Variants in RBFOX1 observed in about 807,000 individuals in gnomAD.
RBFOX1 encodes the protein RNA binding protein fox-1 homolog 1.
A neutral mutation model predicts 57.7 loss-of-function variants in RBFOX1; 8 were observed. The ratio of observed to expected loss-of-function variants is 0.14; its 90% CI spans 0.08 to 0.25. The LOEUF (loss-of-function observed/expected upper bound fraction) is 0.25, where lower values mean the gene tolerates loss of function less well. RBFOX1 is among the 10% of genes least tolerant of loss of function. The probability of loss-of-function intolerance (pLI) is 1.00; values close to 1 mark genes in which losing one functional copy is unlikely to be tolerated. For missense variants in RBFOX1, 611 were observed against 548.5 expected (o/e 1.11, Z -1.14); for synonymous variants, 326 against 222.4 (o/e 1.47, Z -4.15).
chr16:7,565,068 G>A (rs1312966383), intron 5 of RBFOX1, among the ~76,000 whole-genome samples: 1 of 152,194 alleles, frequency 6.6e-6, no homozygotes, highest in East Asian at 1.9e-4. Context: ...GCAGGAAGCT[G>A]GGAGGATCTG....
intron 3 of RBFOX1, among the ~76,000 whole-genome samples, chr16:5,822,680 G>T (rs561318960): frequency 2.3e-4 from 35 of 152,166 alleles, no homozygotes; most frequent in Non-Finnish European, 4.3e-4. Context: ...TGTGTCTGTG[G>T]AATTATGTCT....
At chr16:7,464,842 G>C (rs9938528) in intron 4 of RBFOX1, among the ~76,000 whole-genome samples, 1 of 151,038 alleles carries the variant, frequency 6.6e-6, no homozygotes, top group Non-Finnish European at 1.5e-5. Flanking sequence ...GACTGCAGGC[G>C]CCCGCCACCA....
chr16:7,071,551 G>C (rs901385141), intron 4 of RBFOX1, among the ~76,000 whole-genome samples: 5 of 150,928 alleles, frequency 3.3e-5, no homozygotes, highest in African/African-American at 1.2e-4. Context: ...ATTGTTGTTG[G>C]GGTCACAACT....
chr16:6,613,551 C>G (rs1169037299), intron 2 of RBFOX1, among the ~76,000 whole-genome samples: 1 of 152,084 alleles, frequency 6.6e-6, no homozygotes, highest in Admixed American at 6.6e-5. Flanking sequence ...TTACAAAATG[C>G]TATGGAACGC....
chr16:5,516,038 C>A (rs1309769406), intron 2 of RBFOX1, among the ~76,000 whole-genome samples: 2 of 152,172 alleles, frequency 1.3e-5, no homozygotes, highest in African/African-American at 4.8e-5. Context: ...TCAACTGTTT[C>A]CCAAGGTAGC....
chr16:6,126,532 A>T (rs1369003939), intron 1 of RBFOX1, among the ~76,000 whole-genome samples: 1 of 152,220 alleles, frequency 6.6e-6, no homozygotes, highest in Admixed American at 6.5e-5. Context: ...GACATAGTAC[A>T]TGGTAAAGTC....
intron 3 of RBFOX1, among the ~76,000 whole-genome samples, chr16:6,801,482 C>A (rs961033568): frequency 6.6e-6 from 1 of 152,050 alleles, no homozygotes; most frequent in Non-Finnish European, 1.5e-5. Flanking sequence ...ATTATTGAGC[C>A]AGTTTATAGT....
intron 2 of RBFOX1, among the ~76,000 whole-genome samples, chr16:6,389,706 T>G (rs910025925): frequency 6.6e-6 from 1 of 152,188 alleles, no homozygotes; most frequent in East Asian, 1.9e-4. Context: ...ACGAACCTCG[T>G]GCTCAAAAAT....
chr16:5,282,274 C>A (rs112642939), intron 1 of RBFOX1, among the ~76,000 whole-genome samples: 5 of 152,316 alleles, frequency 3.3e-5, no homozygotes, highest in Admixed American at 2.6e-4. Context: ...TCCATTAAAC[C>A]TTTATCTTTT....
Position 5,926,655 on chromosome 16 carries a change from G to A in RBFOX1, c.351+59320G>A, listed in dbSNP as rs74006514. Reference sequence around the variant, plus strand: ...ATTTATTTTTGCAATGCCTGGATCCGTGGTTTACAAATTGGATTCTTAGCT... The same window carrying A: ...ATTTATTTTTGCAATGCCTGGATCCATGGTTTACAAATTGGATTCTTAGCT... On this transcript the variant is annotated intron_variant, in intron 4 of 19. Coordinates refer to the RBFOX1 transcript ENST00000641259. Among the ~76,000 whole-genome samples, 679 of 152,288 alleles carry A rather than the reference G, an allele frequency of 4.5e-3. 8 individuals carry two copies. The highest frequency in any genetic ancestry group is 0.015 in the African/African-American group (619 of 41,550).
At chr16:7,575,321 G>C (rs976332066) in intron 5 of RBFOX1, among the ~76,000 whole-genome samples, 1 of 152,076 alleles carries the variant, frequency 6.6e-6, no homozygotes, top group East Asian at 1.9e-4. Context: ...TTTTAGTAGA[G>C]ACGGGGTTTC....
chr16:7,444,958 C>G (rs1177025103), intron 4 of RBFOX1, among the ~76,000 whole-genome samples: 1 of 151,988 alleles, frequency 6.6e-6, no homozygotes, highest in Non-Finnish European at 1.5e-5. Flanking sequence ...CATGGTGTGT[C>G]ATATGAAGAA....
At chr16:6,092,482 G>C (rs1400431917) in intron 1 of RBFOX1, 1 of 152,132 alleles carries the variant, frequency 6.6e-6, no homozygotes, top group Non-Finnish European at 1.5e-5. Context: ...TTAACTCTGT[G>C]GACTAGACAT....
rs115569991 is a variant in RBFOX1 at position 6,590,932 on chromosome 16, A to G, written c.-63-63671A>G. On this transcript the variant is annotated intron_variant, in intron 2 of 15. Coordinates refer to ENST00000550418, the MANE Select transcript of RBFOX1 (RefSeq NM_018723.4). Reference sequence around the variant, plus strand: ...CATTTAGGTTAGTATAGTGGGTAAGATGAGAGACTTTGGAGTCACACTGCG... The same window carrying G: ...CATTTAGGTTAGTATAGTGGGTAAGGTGAGAGACTTTGGAGTCACACTGCG... Among the ~76,000 whole-genome samples, 948 of 152,298 alleles carry G rather than the reference A, an allele frequency of 6.2e-3. 12 individuals carry two copies. The highest frequency in any genetic ancestry group is 0.021 in the African/African-American group (891 of 41,562).
chr16:7,259,007 C>G (rs1184707595), intron 4 of RBFOX1, among the ~76,000 whole-genome samples: 2 of 152,176 alleles, frequency 1.3e-5, no homozygotes, highest in Non-Finnish European at 2.9e-5. Flanking sequence ...TCCCTCACCT[C>G]TTGCCCCTCT....
intron 4 of RBFOX1, among the ~76,000 whole-genome samples, chr16:7,062,333 A>T (rs980872203): frequency 6.7e-6 from 1 of 149,522 alleles, no homozygotes; most frequent in African/African-American, 2.5e-5. Context: ...AAAAAAAAAA[A>T]AAAAAGAAAA....
Position 6,020,010 on chromosome 16 carries a change from C to A in RBFOX1, c.-127+18C>A. On this transcript the variant is annotated intron_variant, in intron 1 of 15. Coordinates refer to ENST00000550418, the MANE Select transcript of RBFOX1 (RefSeq NM_018723.4). ...AGTTCTAGGTAAGTCCAGGCGGAGT[C>A]ATTGCCTCTGCACCCACCCTGACCT... 3 of 1,507,852 alleles carry A rather than the reference C, an allele frequency of 2.0e-6. No individual in the cohort carries two copies. The highest frequency in any genetic ancestry group is 1.2e-5 in the South Asian group (1 of 81,216). 93.4% of individuals were successfully genotyped at this position (1,507,852 alleles called of 1,614,324 possible).
chr16:6,681,261 T>A (rs1306423101), intron 3 of RBFOX1, among the ~76,000 whole-genome samples: 1 of 152,124 alleles, frequency 6.6e-6, no homozygotes, highest in Non-Finnish European at 1.5e-5. Flanking sequence ...GAAGTTGCAG[T>A]GAGCCAGGAT....
In RBFOX1 at chr16:6,320,597, T is replaced by C. The variant is rs74005084; in HGVS notation, c.-64+3540T>C. Reference sequence around the variant, plus strand: ...AAATGATTACCACAATCAAGCTACTTAACATACTTATCACCTTACATAGTT... The same window carrying C: ...AAATGATTACCACAATCAAGCTACTCAACATACTTATCACCTTACATAGTT... On this transcript the variant is annotated intron_variant, in intron 2 of 15. Coordinates refer to ENST00000550418, the MANE Select transcript of RBFOX1 (RefSeq NM_018723.4). Among the ~76,000 whole-genome samples, 762 of 152,302 alleles carry C rather than the reference T, an allele frequency of 5.0e-3. 6 individuals are homozygous for C. Among genetic ancestry groups the C allele is most frequent in the African/African-American group, 0.017 (710 of 41,560 alleles).
Sources: allele counts gnomAD v4.1 joint callset (sites outside exome capture counted in the v4.1 genomes callset), GRCh38; gene constraint gnomAD v4.1.1; transcripts MANE v1.5; gene names NCBI Gene and HGNC (gene_info 2026-07-23, HGNC 2026-07-21).